The following RAPGEF2 variants were observed in gnomAD, a reference collection of about 807,000 sequenced individuals.
RAPGEF2 encodes Rap guanine nucleotide exchange factor 2, also known as PDZ domain containing guanine nucleotide exchange factor (GEF) 1.
A neutral mutation model predicts 186.7 loss-of-function variants in RAPGEF2; 54 were observed. The observed-to-expected ratio is 0.29, with a 90% CI of 0.23 to 0.36. RAPGEF2 has a LOEUF of 0.36. RAPGEF2 is among the 10% of genes least tolerant of loss of function. The pLI, the probability that RAPGEF2 is intolerant of heterozygous loss-of-function variation, is 1.00. For synonymous variants in RAPGEF2, 712 were observed against 705.9 expected, an observed-to-expected ratio of 1.01 and a Z score of -0.14; for missense variants, 1,532 against 2,045.0, an observed-to-expected ratio of 0.75 and a Z score of 4.84.
chr4:159,340,661 C>T (rs1729268906), intron 19 of RAPGEF2, among the ~76,000 whole-genome samples: 1 of 125,566 alleles, frequency 8.0e-6, no homozygotes, highest in Non-Finnish European at 1.7e-5. Context: ...AATACCACCA[C>T]CATCACCACA....
chr4:159,275,966 T>C (rs1425666988), intron 7 of RAPGEF2, among the ~76,000 whole-genome samples: 1 of 152,170 alleles, frequency 6.6e-6, no homozygotes, highest in Non-Finnish European at 1.5e-5. Context: ...TGGAGTTAAA[T>C]GGGAGTATTC....
intron 4 of RAPGEF2, among the ~76,000 whole-genome samples, chr4:159,213,061 T>G (rs1750676024): frequency 6.6e-6 from 1 of 152,202 alleles, no homozygotes; most frequent in Non-Finnish European, 1.5e-5. Context: ...AGTTAGTACT[T>G]TAATAGGGTG....
chr4:159,341,120 G>A lies in RAPGEF2; in HGVS notation c.2535-444G>A, dbSNP rs145419745. ...AGTCAACCTGGATTGTTACAATTTG[G>A]GCCCATCAATAATCACAGATTATTG... On this transcript the variant is annotated intron_variant, in intron 19 of 29. Transcript: ENST00000691494. Among the ~76,000 whole-genome samples the A allele has an allele frequency of 2.7e-3, 415 of 151,924 alleles. 2 individuals are homozygous for A. Among genetic ancestry groups the A allele is most frequent in the African/African-American group, 9.5e-3 (393 of 41,412 alleles).
chr4:159,357,615 G>A (rs1462126335), intron 29 of RAPGEF2, among the ~76,000 whole-genome samples: 2 of 152,130 alleles, frequency 1.3e-5, no homozygotes, highest in Non-Finnish European at 2.9e-5. Flanking sequence ...CCCGGGAGGC[G>A]GAGGTTGCAG....
At chr4:159,224,529 T>G (rs1579512633) in intron 4 of RAPGEF2, among the ~76,000 whole-genome samples, 1 of 152,274 alleles carries the variant, frequency 6.6e-6, no homozygotes, top group Middle Eastern at 3.4e-3. Flanking sequence ...AGGCAGTTAT[T>G]AGATTTGCCT....
Position 159,222,832 on chromosome 4 carries a change from A to G in RAPGEF2, c.281+12249A>G, listed in dbSNP as rs529519491. ...GAAGGATTGATATGTGAAGGAAATT[A>G]TACTCTGGGAAATTGGAATGTCATT... On this transcript the variant is annotated intron_variant, in intron 4 of 29. Transcript: ENST00000691494. Among the ~76,000 whole-genome samples, 3 of 152,294 alleles carry G rather than the reference A, an allele frequency of 2.0e-5. No homozygotes were observed. The South Asian group carries it at 6.2e-4, about 32-fold the overall frequency.
chr4:159,156,271 A>T (rs1301710103), intron 1 of RAPGEF2, among the ~76,000 whole-genome samples: 1 of 152,220 alleles, frequency 6.6e-6, no homozygotes, highest in Non-Finnish European at 1.5e-5. Flanking sequence ...AACATCCCAC[A>T]GCACTTGAAA....
intron 7 of RAPGEF2, chr4:159,268,109 G>T: frequency 6.2e-7 from 1 of 1,604,432 alleles, no homozygotes. Context: ...CATCGTGAGA[G>T]ATTGGTACAT....
chr4:159,104,037 C>T lies in RAPGEF2; in HGVS notation c.-126C>T, dbSNP rs905388193. 21 of 349,570 alleles carry T rather than the reference C, an allele frequency of 6.0e-5. No homozygotes were observed. The highest frequency in any genetic ancestry group is 3.8e-4 in the African/African-American group (17 of 44,602). The allele number at this position is 349,570 out of a possible 1,614,324, so 21.7% of individuals were successfully genotyped here. ...CGCGGGCCCCGCGCCGCCGCCGCCG[C>T]GGTTTGGCTGATTAGTCGCGGGCGG... is the stretch of plus-strand genomic sequence containing the variant. On this transcript the variant is annotated 5_prime_UTR_variant, in exon 1 of 30. Coordinates refer to ENST00000691494, the MANE Select transcript of RAPGEF2 (RefSeq NM_001394067.2).
intron 1 of RAPGEF2, among the ~76,000 whole-genome samples, chr4:159,163,048 G>A (rs1434046581): frequency 6.6e-6 from 1 of 152,094 alleles, no homozygotes; most frequent in Non-Finnish European, 1.5e-5. Flanking sequence ...TGATGACTGT[G>A]CACCACTTGC....
chr4:159,152,744 A>T lies in RAPGEF2; in HGVS notation c.70-33898A>T, dbSNP rs1183472009. Among the ~76,000 whole-genome samples, 3 of 152,206 alleles carry T rather than the reference A, an allele frequency of 2.0e-5. No individual in the cohort carries two copies. The East Asian group carries it at 5.8e-4, about 29-fold the overall frequency. On this transcript the variant is annotated intron_variant, in intron 1 of 29. Coordinates refer to ENST00000691494, the MANE Select transcript of RAPGEF2 (RefSeq NM_001394067.2). ...GCCATTCTCCTGCCTCAGCCTCCTG[A>T]GTAGCTGGGAGTACAGGTGCCCACC...
intron 1 of RAPGEF2, among the ~76,000 whole-genome samples, chr4:159,111,040 G>C (rs951058605): frequency 6.0e-5 from 9 of 150,688 alleles, no homozygotes; most frequent in African/African-American, 2.2e-4. Flanking sequence ...AACCACCCTT[G>C]TTTTCACATG....
intron 1 of RAPGEF2, among the ~76,000 whole-genome samples, chr4:159,184,352 C>T (rs1747341221): frequency 6.6e-6 from 1 of 152,156 alleles, no homozygotes; most frequent in Admixed American, 6.5e-5. Flanking sequence ...GTTTAGAGTC[C>T]CACCAACAGT....
intron 7 of RAPGEF2, chr4:159,282,764 G>A (rs77843942): frequency 1.0e-4 from 37 of 353,856 alleles, no homozygotes; most frequent in Admixed American, 2.5e-4. Flanking sequence ...TGGGATTTGG[G>A]GCTGTATTTA....
intron 1 of RAPGEF2, among the ~76,000 whole-genome samples, chr4:159,161,673 C>T (rs1319066188): frequency 2.0e-5 from 3 of 152,190 alleles, no homozygotes; most frequent in Non-Finnish European, 4.4e-5. Context: ...GATCACGCCA[C>T]TGCACTCCAG....
At position 159,273,624 on chromosome 4, in the gene RAPGEF2, C is replaced by T. The variant is rs563846715; in HGVS notation, c.543+29833C>T. On this transcript the variant is annotated intron_variant, in intron 7 of 29. Coordinates refer to ENST00000691494, the MANE Select transcript of RAPGEF2 (RefSeq NM_001394067.2). Reference sequence around the variant, plus strand: ...ATTTAGCCCTAGTAAGATCAGTAATCAGTTTCTTTCTTTCTTTCTTTCTTT... The same window carrying T: ...ATTTAGCCCTAGTAAGATCAGTAATTAGTTTCTTTCTTTCTTTCTTTCTTT... 4.0e-3 allele frequency among the ~76,000 whole-genome samples: 591 copies of T among 148,402 alleles called. 4 individuals are homozygous for T. Among genetic ancestry groups the T allele is most frequent in the Non-Finnish European group, 6.9e-3 (464 of 67,082 alleles).
At chr4:159,143,452 A>AT (rs754840652) in intron 1 of RAPGEF2, among the ~76,000 whole-genome samples, 1 of 152,162 alleles carries the variant, frequency 6.6e-6, no homozygotes, top group Non-Finnish European at 1.5e-5. Flanking sequence ...TGGAATGTTT[A>AT]TTTTATCAAT....
intron 3 of RAPGEF2, among the ~76,000 whole-genome samples, chr4:159,200,123 A>G (rs530887049): frequency 2.6e-5 from 4 of 152,040 alleles, no homozygotes; most frequent in Non-Finnish European, 4.4e-5. Context: ...GAATAGCTTC[A>G]TAACTCCCAG....
chr4:159,316,176 CA>C (rs1764578641), intron 9 of RAPGEF2, among the ~76,000 whole-genome samples: 1 of 152,176 alleles, frequency 6.6e-6, no homozygotes, highest in Non-Finnish European at 1.5e-5. Flanking sequence ...GTCTTCTGGT[CA>C]CTCCTCACTA....
Sources: allele counts gnomAD v4.1 joint callset (sites outside exome capture counted in the v4.1 genomes callset), GRCh38; gene constraint gnomAD v4.1.1; transcripts MANE v1.5; gene names NCBI Gene and HGNC (gene_info 2026-07-23, HGNC 2026-07-21).